LRRFIP1: variants seen among roughly 807,000 people sequenced by gnomAD.
The protein encoded by LRRFIP1 is leucine-rich repeat flightless-interacting protein 1.
A neutral mutation model predicts 104.4 loss-of-function variants in LRRFIP1; 62 were observed. The observed-to-expected ratio is 0.59, with a 90% CI of 0.48 to 0.73. The LOEUF is 0.73. Ranked by LOEUF, LRRFIP1 falls within the 30% of genes least tolerant of loss-of-function variation. The pLI, the probability that LRRFIP1 is intolerant of heterozygous loss-of-function variation, is 0.00. For missense variants in LRRFIP1, 796 were observed against 824.5 expected (o/e 0.97, Z 0.42); for synonymous variants, 300 against 299.0 (o/e 1.00, Z -0.03).
intron 19 of LRRFIP1, chr2:237,769,684 A>G (rs2060459845): frequency 1.5e-5 from 7 of 459,056 alleles, no homozygotes; most frequent in Middle Eastern, 6.0e-4. Context: ...TGCTAACCTA[A>G]GGTAGAAGAT....
chr2:237,681,678 C>CTTTTTTTT lies in LRRFIP1; in HGVS notation c.97-26854_97-26847dup, dbSNP rs1172576547. On this transcript the variant is annotated intron_variant, in intron 1 of 23. Coordinates refer to ENST00000308482, the MANE Select transcript of LRRFIP1 (RefSeq NM_001137550.2). Reference sequence around the variant, plus strand: ...CACCGTGCCCGGCCGCAGTCCTATTCTTTTTTTTTTTTTTTTTTTGAGACG... The same window carrying CTTTTTTTT: ...CACCGTGCCCGGCCGCAGTCCTATTCTTTTTTTTTTTTTTTTTTTTTTTTTTTGAGACG... Among the ~76,000 whole-genome samples, 23 of 44,900 alleles carry CTTTTTTTT rather than the reference C, an allele frequency of 5.1e-4. 5 individuals carry two copies. Among genetic ancestry groups the CTTTTTTTT allele is most frequent in the African/African-American group, 1.5e-3 (20 of 13,494 alleles). The allele number at this position is 44,900 out of a possible 152,430, so 29.5% of individuals were successfully genotyped here.
chr2:237,687,455 C>G (rs757132058), intron 1 of LRRFIP1, among the ~76,000 whole-genome samples: 1 of 151,742 alleles, frequency 6.6e-6, no homozygotes, highest in Non-Finnish European at 1.5e-5. Flanking sequence ...AAATACAAAA[C>G]TAGCTGGGCG....
intron 8 of LRRFIP1, among the ~76,000 whole-genome samples, chr2:237,730,802 C>T (rs1458133010): frequency 6.6e-6 from 1 of 152,162 alleles, no homozygotes; most frequent in East Asian, 1.9e-4. Context: ...CCTGTAGTCC[C>T]AGCTACTCGG....
At chr2:237,733,629 G>A (rs372757237) in intron 8 of LRRFIP1, 145 bp from the exon 9 acceptor site, 47 of 656,872 alleles carry the variant, frequency 7.2e-5, no homozygotes, top group East Asian at 1.9e-4. Flanking sequence ...CAGAAAACAC[G>A]GTGCCTCGAT....
At chr2:237,755,814 T>A (rs186764458) in intron 15 of LRRFIP1, among the ~76,000 whole-genome samples, 4,830 of 152,188 alleles carry the variant, frequency 0.032, 92 homozygotes, top group Middle Eastern at 0.12. Flanking sequence ...GGCGCCTGTA[T>A]TCCCAGCTAC....
At chr2:237,736,705 C>CTTAGAGA (rs2095259465) in intron 10 of LRRFIP1, among the ~76,000 whole-genome samples, 1 of 152,156 alleles carries the variant, frequency 6.6e-6, no homozygotes, top group Non-Finnish European at 1.5e-5. Flanking sequence ...GAGTGATGGC[C>CTTAGAGA]TTAGAGAGTT....
intron 1 of LRRFIP1, among the ~76,000 whole-genome samples, chr2:237,629,375 G>A (rs73999188): frequency 0.011 from 1,739 of 152,136 alleles, 24 homozygotes; most frequent in African/African-American, 0.04. Flanking sequence ...TGAATCGCAA[G>A]CCTTGTCTTG....
In LRRFIP1 at chr2:237,766,832, C is replaced by T. The variant is rs2060277498; in HGVS notation, c.1460-3111C>T. On this transcript the variant is annotated intron_variant, in intron 19 of 23. Transcript: ENST00000308482. This position sits in a 1 kb window ranked among gnomAD's most constrained non-coding sequence, Gnocchi z 4.8. ...GCTCTCCAGTGTAATGACTTTATAG[C>T]CAAGCACAGTAATTGATATTACTGT... Among the ~76,000 whole-genome samples the T allele has an allele frequency of 6.6e-6, 1 of 152,212 alleles. No homozygotes were observed. Among genetic ancestry groups the T allele is most frequent in the South Asian group, 2.1e-4 (1 of 4,836 alleles).
At chr2:237,762,594 G>A (rs1022571540) in intron 19 of LRRFIP1, 7 of 1,583,264 alleles carry the variant, frequency 4.4e-6, no homozygotes, top group Admixed American at 3.5e-5. Flanking sequence ...TTTCTCAATG[G>A]TCTTTTAGGA....
At chr2:237,718,777 G>A (rs1205154594) in intron 4 of LRRFIP1, among the ~76,000 whole-genome samples, 4 of 152,104 alleles carry the variant, frequency 2.6e-5, no homozygotes, top group East Asian at 1.9e-4. Flanking sequence ...AAAGAGGTTC[G>A]CTCTTCAGAT....
At chr2:237,723,885 C>G (rs1476766254) in intron 7 of LRRFIP1, among the ~76,000 whole-genome samples, 1 of 152,204 alleles carries the variant, frequency 6.6e-6, no homozygotes, top group Non-Finnish European at 1.5e-5. Flanking sequence ...GCTGTGCATA[C>G]CAAGATGAAA....
At chr2:237,664,758 T>G (rs6757499) in intron 1 of LRRFIP1, among the ~76,000 whole-genome samples, 2,241 of 152,330 alleles carry the variant, frequency 0.015, 49 homozygotes, top group African/African-American at 0.05. Context: ...ATAAAGAACG[T>G]TGCGATGAAC....
At chr2:237,774,565 G>T in intron 23 of LRRFIP1, 103 bp downstream of exon 23, 1 of 774,912 alleles carries the variant, frequency 1.3e-6, no homozygotes, top group Non-Finnish European at 2.2e-6. Context: ...CCCCTGGGCT[G>T]GTCATTGTCA....
intron 4 of LRRFIP1, among the ~76,000 whole-genome samples, chr2:237,719,286 A>C (rs2094454818): frequency 6.6e-6 from 1 of 152,262 alleles, no homozygotes; most frequent in Non-Finnish European, 1.5e-5. Context: ...CACTGTTTTT[A>C]CAACAAAAAT....
At chr2:237,654,992 TCAA>T (rs1223575397) in intron 1 of LRRFIP1, among the ~76,000 whole-genome samples, 2 of 151,548 alleles carry the variant, frequency 1.3e-5, no homozygotes, top group African/African-American at 4.9e-5. Context: ...TCTTCAGCCT[TCAA>T]CATGAAGGAG....
At chr2:237,631,355 T>C (rs4663770) in intron 1 of LRRFIP1, among the ~76,000 whole-genome samples, 63,637 of 151,720 alleles carry the variant, frequency 0.42, 13,578 homozygotes, top group Non-Finnish European at 0.45. Flanking sequence ...GGACTCGTGG[T>C]GGGGGCAGCC....
chr2:237,692,037 C>A (rs1224009982), intron 1 of LRRFIP1: 1 of 285,018 alleles, frequency 3.5e-6, no homozygotes, highest in Non-Finnish European at 4.8e-6. Flanking sequence ...CGAGGCGGAG[C>A]GGCGCAGGGG....
intron 1 of LRRFIP1, among the ~76,000 whole-genome samples, chr2:237,689,904 C>T (rs2092650446): frequency 6.6e-6 from 1 of 152,216 alleles, no homozygotes. Context: ...GTGTTAGAGC[C>T]TTTGGTCCTC....
rs571061359 is a variant in LRRFIP1, at chr2:237,717,019, A to ATT, written c.202-732_202-731dup. 1.5e-4 allele frequency among the ~76,000 whole-genome samples: 22 copies of ATT among 147,482 alleles called. No homozygotes were observed. Among genetic ancestry groups the ATT allele is most frequent in the African/African-American group, 4.7e-4 (19 of 40,528 alleles). ...AAAACATTATGAAATTTTTTTTGCA[A>ATT]TTTTTTTTTTTTAGCTTATCAGCTA... On this transcript the variant is annotated intron_variant, in intron 3 of 23. Transcript: ENST00000308482. The surrounding 1 kb of genome is among the most constrained non-coding windows in gnomAD (Gnocchi z 4.2).
Sources: allele counts gnomAD v4.1 joint callset (sites outside exome capture counted in the v4.1 genomes callset), GRCh38; gene constraint gnomAD v4.1.1; non-coding constraint Gnocchi (gnomAD v3.1); transcripts MANE v1.5; gene names NCBI Gene and HGNC (gene_info 2026-07-23, HGNC 2026-07-21).